NACC2: variants seen among roughly 807,000 people sequenced by gnomAD.
The protein encoded by NACC2 is NACC family member 2, also known as nucleus accumbens-associated protein 2.
In NACC2, 8 loss-of-function variants were observed where a neutral mutation model predicts 25.1. The observed-to-expected ratio is 0.32, with a 90% CI of 0.19 to 0.57. The LOEUF (loss-of-function observed/expected upper bound fraction) is 0.57, where lower values mean the gene tolerates loss of function less well. NACC2 is among the 20% of genes least tolerant of loss of function. The pLI is 0.89. For missense variants in NACC2, 644 were observed against 650.2 expected, an observed-to-expected ratio of 0.99 and a Z score of 0.10; for synonymous variants, 435 against 294.7, an observed-to-expected ratio of 1.48 and a Z score of -4.88.
chr9:136,009,489 G>C lies in NACC2; in HGVS notation c.*2027C>G, dbSNP rs907722779. The C allele has an allele frequency of 6.6e-6, 1 of 152,326 alleles. No homozygotes were observed. Among genetic ancestry groups the C allele is most frequent in the African/African-American group, 2.4e-5 (1 of 41,454 alleles). The allele number at this position is 152,326 out of a possible 1,614,324, so 9.4% of individuals were successfully genotyped here. A position where few individuals can be genotyped will look rare whatever the true frequency, so the allele number is the denominator to read the frequency against. ...CCTGAGGAATGGGTGGAGGGGCCGA[G>C]GTTAGCGTCCACAGTGCCTGCCCAT... is the stretch of plus-strand genomic sequence containing the variant. On this transcript the variant is annotated 3_prime_UTR_variant, in exon 6 of 6. Coordinates refer to ENST00000277554, the MANE Select transcript of NACC2 (RefSeq NM_144653.5).
intron 2 of NACC2, among the ~76,000 whole-genome samples, chr9:136,036,667 G>A (rs1243610246): frequency 6.6e-6 from 1 of 152,076 alleles, no homozygotes; most frequent in East Asian, 1.9e-4. Context: ...GAACAAAACA[G>A]AACTTTAGAA....
chr9:136,058,334 G>A (rs1387666601), intron 1 of NACC2, among the ~76,000 whole-genome samples: 5 of 152,166 alleles, frequency 3.3e-5, no homozygotes, highest in East Asian at 1.9e-4. Flanking sequence ...CGGTCCCCAC[G>A]GCTCCCAGTG....
intron 1 of NACC2, among the ~76,000 whole-genome samples, chr9:136,090,913 C>G (rs1274825361): frequency 6.6e-6 from 1 of 152,084 alleles, no homozygotes; most frequent in Non-Finnish European, 1.5e-5. Context: ...CTTTCAGGCC[C>G]CTCTGTTCCC....
At chr9:136,030,908 C>T (rs1188142544) in intron 2 of NACC2, among the ~76,000 whole-genome samples, 1 of 152,090 alleles carries the variant, frequency 6.6e-6, no homozygotes, top group Admixed American at 6.5e-5. Flanking sequence ...AGTGATCTGC[C>T]CACCTCAGCC....
At position 136,020,014 on chromosome 9, in the gene NACC2, G is replaced by T. The variant is rs2131137632; in HGVS notation, c.887-3585C>A. ...GGGGCTGGGTGGGGGAACGGGGAGG[G>T]ACCGTTTCATGGGGATGAGAGGTTC... On this transcript the variant is annotated intron_variant, in intron 2 of 5. Coordinates refer to ENST00000277554, the MANE Select transcript of NACC2 (RefSeq NM_144653.5). The surrounding 1 kb of genome is among the most constrained non-coding windows in gnomAD (Gnocchi z 4.7). Among the ~76,000 whole-genome samples, 1 of 152,152 alleles carries T rather than the reference G, an allele frequency of 6.6e-6. No homozygotes were observed. Among genetic ancestry groups the T allele is most frequent in the East Asian group, 1.9e-4 (1 of 5,162 alleles).
At chr9:136,061,370 C>T (rs901089593) in intron 1 of NACC2, among the ~76,000 whole-genome samples, 1 of 152,168 alleles carries the variant, frequency 6.6e-6, no homozygotes, top group African/African-American at 2.4e-5. Flanking sequence ...GCACAGCCCT[C>T]AGATAGAGGG....
At chr9:136,052,810 G>A (rs1840866831) in intron 1 of NACC2, among the ~76,000 whole-genome samples, 2 of 152,244 alleles carry the variant, frequency 1.3e-5, no homozygotes, top group Non-Finnish European at 2.9e-5. Context: ...TGCCCAAGGG[G>A]GTCTGCAGCG....
intron 2 of NACC2, among the ~76,000 whole-genome samples, chr9:136,031,387 G>A (rs747965335): frequency 6.6e-6 from 1 of 151,572 alleles, no homozygotes; most frequent in Non-Finnish European, 1.5e-5. Flanking sequence ...ACCCAGGCTG[G>A]GGTGCAGTGG....
chr9:136,091,700 G>A (rs568136696), intron 1 of NACC2, among the ~76,000 whole-genome samples: 226 of 152,304 alleles, frequency 1.5e-3, no homozygotes, highest in African/African-American at 5.0e-3. Context: ...GGCCACAGCT[G>A]AGGGAGCTAG....
chr9:136,024,041 G>A (rs1840336652), intron 2 of NACC2, among the ~76,000 whole-genome samples: 1 of 152,200 alleles, frequency 6.6e-6, no homozygotes, highest in Admixed American at 6.5e-5. Context: ...GGGAGACAGA[G>A]TGTGTGGGGA....
chr9:136,031,787 A>C lies in NACC2; in HGVS notation c.887-15358T>G, dbSNP rs921146110. ...AATATTAGCAAATAAGAAATGTATG[A>C]TCTCATCCCATACAGCTAGTGGCCA... On this transcript the variant is annotated intron_variant, in intron 2 of 5. Coordinates refer to ENST00000277554, the MANE Select transcript of NACC2 (RefSeq NM_144653.5). 4.6e-5 allele frequency among the ~76,000 whole-genome samples: 7 copies of C among 152,358 alleles called. No individual in the cohort carries two copies. The South Asian group carries it at 1.2e-3, about 27-fold the overall frequency.
rs1156662369 is a variant in NACC2, at chr9:136,054,736, T to C, written c.-59-4156A>G. Among the ~76,000 whole-genome samples the C allele has an allele frequency of 2.6e-5, 4 of 151,974 alleles. No individual in the cohort carries two copies. In the East Asian group the frequency reaches 7.8e-4, roughly 30 times the overall value. Reference sequence around the variant, plus strand: ...TTTGCTTCCCAAGCAACACCTCCTATTGTTTCCCCTTCTCGGTGAGATTCA... The same window carrying C: ...TTTGCTTCCCAAGCAACACCTCCTACTGTTTCCCCTTCTCGGTGAGATTCA... On this transcript the variant is annotated intron_variant, in intron 1 of 5. Coordinates refer to ENST00000277554, the MANE Select transcript of NACC2 (RefSeq NM_144653.5).
chr9:136,035,090 T>A (rs1840532166), intron 2 of NACC2, among the ~76,000 whole-genome samples: 1 of 151,996 alleles, frequency 6.6e-6, no homozygotes, highest in African/African-American at 2.4e-5. Context: ...CGAGACTCCA[T>A]CTCAAAAACA....
intron 1 of NACC2, among the ~76,000 whole-genome samples, chr9:136,080,755 C>T (rs537729568): frequency 1.8e-4 from 27 of 152,302 alleles, no homozygotes; most frequent in African/African-American, 6.3e-4. Context: ...AGACGGGGGG[C>T]CGTGACACAC....
intron 1 of NACC2, among the ~76,000 whole-genome samples, chr9:136,091,895 A>G (rs1210745456): frequency 6.6e-6 from 1 of 151,848 alleles, no homozygotes; most frequent in Non-Finnish European, 1.5e-5. Flanking sequence ...CCTGCCCCGC[A>G]ACAGAGGCGG....
At chr9:136,050,623 G>A (rs1193117093) in intron 1 of NACC2, 43 bp from the exon 2 acceptor site, 27 of 686,744 alleles carry the variant, frequency 3.9e-5, no homozygotes, top group Admixed American at 2.4e-4. Context: ...TCCAGGTCAC[G>A]GGCTCCCCGC....
At chr9:136,043,159 C>G (rs1840670525) in intron 2 of NACC2, among the ~76,000 whole-genome samples, 1 of 152,190 alleles carries the variant, frequency 6.6e-6, no homozygotes, top group Admixed American at 6.5e-5. Flanking sequence ...AACTTCTGGT[C>G]TTTGAGAGTC....
In NACC2 at chr9:136,016,432, G is replaced by A; in HGVS notation, c.887-3C>T. On this transcript the variant is annotated splice_polypyrimidine_tract_variant and splice_region_variant and intron_variant, in intron 2 of 5. Coordinates refer to ENST00000277554, the MANE Select transcript of NACC2 (RefSeq NM_144653.5). ...CACTGGCTCAGGCTTCTCTTGCACTGTGGGCCCAGAACCAACCTGGTCAGA... is the reference window on the plus strand; with the variant it reads ...CACTGGCTCAGGCTTCTCTTGCACTATGGGCCCAGAACCAACCTGGTCAGA... The A allele has an allele frequency of 6.2e-7, 1 of 1,610,872 alleles. No homozygotes were observed. Among genetic ancestry groups the A allele is most frequent in the Non-Finnish European group, 8.5e-7 (1 of 1,179,702 alleles).
At chr9:136,044,793 C>T (rs1451554626) in intron 2 of NACC2, among the ~76,000 whole-genome samples, 8 of 152,212 alleles carry the variant, frequency 5.3e-5, no homozygotes, top group Non-Finnish European at 1.0e-4. Flanking sequence ...GTGTACCTTC[C>T]GGATGGGTAA....
Sources: allele counts gnomAD v4.1 joint callset (sites outside exome capture counted in the v4.1 genomes callset), GRCh38; gene constraint gnomAD v4.1.1; non-coding constraint Gnocchi (gnomAD v3.1); transcripts MANE v1.5; gene names NCBI Gene and HGNC (gene_info 2026-07-23, HGNC 2026-07-21).